The following NFAT5 variants were observed in gnomAD, a reference collection of about 807,000 sequenced individuals.
The protein encoded by NFAT5 is nuclear factor of activated T-cells 5.
NFAT5 carries 31 observed loss-of-function variants against 166.5 expected under a neutral mutation model. The observed-to-expected ratio is 0.19, with a 90% confidence interval of 0.14 to 0.25. The LOEUF is 0.25. NFAT5 is among the 10% of genes least tolerant of loss of function. The probability of loss-of-function intolerance (pLI) is 1.00; values close to 1 mark genes in which losing one functional copy is unlikely to be tolerated. For synonymous variants in NFAT5, 612 were observed against 639.7 expected, an observed-to-expected ratio of 0.96 and a Z score of 0.65; for missense variants, 1,449 against 1,821.8, an observed-to-expected ratio of 0.80 and a Z score of 3.72.
chr16:69,635,546 A>G (rs2034926424), intron 3 of NFAT5, among the ~76,000 whole-genome samples: 2 of 152,108 alleles, frequency 1.3e-5, no homozygotes, highest in South Asian at 4.2e-4. Flanking sequence ...CACTGCTGAT[A>G]AAGACATACC....
intron 3 of NFAT5, chr16:69,644,852 A>C: frequency 2.2e-6 from 1 of 455,002 alleles, no homozygotes; most frequent in Non-Finnish European, 4.4e-6. Flanking sequence ...TTAGATTTAA[A>C]AAGGGTGAGT....
intron 2 of NFAT5, among the ~76,000 whole-genome samples, chr16:69,603,533 C>T (rs1418928913): frequency 6.6e-6 from 1 of 152,098 alleles, no homozygotes; most frequent in African/African-American, 2.4e-5. Context: ...GGGCAGATCA[C>T]TTAAACTCAA....
At chr16:69,572,005 G>A (rs956050422) in intron 2 of NFAT5, among the ~76,000 whole-genome samples, 11 of 152,060 alleles carry the variant, frequency 7.2e-5, no homozygotes, top group Middle Eastern at 3.4e-3. Context: ...CTCGTGATCC[G>A]CCTGCGTCAG....
rs1597589490 is a variant in NFAT5, at chr16:69,703,534, C to T, written c.*7183C>T. The stretch of plus-strand genomic sequence containing the variant: ...CTCCATAATTGTTCTAATCTTCTTC[C>T]CACTGTTTACAAATTACCAGTTAAT... On this transcript the variant is annotated 3_prime_UTR_variant, in exon 15 of 15. Coordinates refer to ENST00000349945, the MANE Select transcript of NFAT5 (RefSeq NM_138713.4). 6.6e-6 allele frequency: 1 copy of T among 152,588 alleles called. No homozygotes were observed. The highest frequency in any genetic ancestry group is 2.1e-4 in the South Asian group (1 of 4,814). The allele number at this position is 152,588 out of a possible 1,614,324, so 9.5% of individuals were successfully genotyped here.
intron 10 of NFAT5, among the ~76,000 whole-genome samples, chr16:69,681,116 AGC>A (rs1212415619): frequency 1.1e-4 from 17 of 152,194 alleles, no homozygotes; most frequent in Admixed American, 1.1e-3. Flanking sequence ...GTGTCTTGGA[AGC>A]CATGAGAGAG....
chr16:69,668,677 T>A (rs542999885), intron 7 of NFAT5, among the ~76,000 whole-genome samples: 3 of 152,164 alleles, frequency 2.0e-5, no homozygotes, highest in African/African-American at 7.2e-5. Context: ...CTGAATTTAT[T>A]TTTATTTTTA....
At chr16:69,650,299 G>A (rs1306138103) in intron 4 of NFAT5, among the ~76,000 whole-genome samples, 1 of 151,882 alleles carries the variant, frequency 6.6e-6, no homozygotes, top group Non-Finnish European at 1.5e-5. Context: ...TTTTTCTTAA[G>A]CCATCATGCC....
In NFAT5 at chr16:69,693,721, C is replaced by T; in HGVS notation, c.3896C>T (p.Ser1299Phe). The T allele has an allele frequency of 6.2e-7, 1 of 1,614,228 alleles. No homozygotes were observed. The highest frequency in any genetic ancestry group is 8.5e-7 in the Non-Finnish European group (1 of 1,180,040). The change falls in exon 13 of 15, where the codon TCT (serine) becomes TTT (phenylalanine). Residue 1299 changes from serine to phenylalanine, a missense_variant. By Grantham distance (155) the Ser-to-Phe change is radical. Coordinates refer to ENST00000349945, the MANE Select transcript of NFAT5 (RefSeq NM_138713.4). ...CAGAATACCATGGCTACAATGGCGT[C>T]TCCAAAGCAACCACCACCAAACATG... ...SNQNTMATMA[S>F]PKQPPPNMIF...
Position 69,693,418 on chromosome 16 carries a change from C to T in NFAT5, c.3593C>T (p.Ala1198Val), listed in dbSNP as rs1179182679. 2 of 1,614,194 alleles carry T rather than the reference C, an allele frequency of 1.2e-6. No homozygotes were observed. Reference sequence around the variant, plus strand: ...TCAACATCAAACAGTGAACAACAAGCTGCTTTCCAACAGCAAGCTCCAATA... The same window carrying T: ...TCAACATCAAACAGTGAACAACAAGTTGCTTTCCAACAGCAAGCTCCAATA... ...LQSTSNSEQQ[A>V]AFQQQAPISH... The change falls in exon 13 of 15, where the codon GCT becomes GTT. Residue 1198 changes from alanine (A) to valine (V), a missense_variant. By Grantham distance (64) the Ala-to-Val change is moderately conservative. Transcript: ENST00000349945.
chr16:69,644,230 A>G (rs1262884353), intron 3 of NFAT5, among the ~76,000 whole-genome samples: 12 of 152,052 alleles, frequency 7.9e-5, no homozygotes. Context: ...GGCTGCAGTG[A>G]GCCATGATCG....
intron 11 of NFAT5, among the ~76,000 whole-genome samples, chr16:69,690,109 C>T (rs1312507228): frequency 6.6e-6 from 1 of 151,968 alleles, no homozygotes; most frequent in Admixed American, 6.6e-5. Context: ...AGTGCCACTG[C>T]GGACTCAAGT....
rs753602393 is a variant in NFAT5 at position 69,690,974 on chromosome 16, A to G, written c.1809A>G (p.Val603=). The G allele has an allele frequency of 8.8e-6, 14 of 1,599,870 alleles. No homozygotes were observed. The highest frequency in any genetic ancestry group is 1.2e-5 in the Non-Finnish European group (14 of 1,174,188). Residue 603 remains valine, a synonymous_variant, in exon 12 of 15, where the codon GTA becomes GTG. Coordinates refer to ENST00000349945, the MANE Select transcript of NFAT5 (RefSeq NM_138713.4). ...CTACTGGATGTAATTTAGATAAGGTAAATATTATCCCTAATGCCCTGATGA... is the reference window on the plus strand; with the variant it reads ...CTACTGGATGTAATTTAGATAAGGTGAATATTATCCCTAATGCCCTGATGA... ...MKTTGCNLDK[V]NIIPNALMTP...
At chr16:69,610,837 C>T (rs530818027) in intron 2 of NFAT5, among the ~76,000 whole-genome samples, 5 of 152,168 alleles carry the variant, frequency 3.3e-5, no homozygotes, top group African/African-American at 1.2e-4. Flanking sequence ...GCATGGCCCT[C>T]TATATATTTC....
At chr16:69,610,857 A>G (rs2033674607) in intron 2 of NFAT5, among the ~76,000 whole-genome samples, 1 of 152,018 alleles carries the variant, frequency 6.6e-6, no homozygotes, top group Non-Finnish European at 1.5e-5. Flanking sequence ...CTTCTCTCCT[A>G]CTACCTTTTT....
At chr16:69,580,173 T>A (rs1297985397) in intron 2 of NFAT5, among the ~76,000 whole-genome samples, 2 of 152,014 alleles carry the variant, frequency 1.3e-5, no homozygotes, top group African/African-American at 4.8e-5. Context: ...GTAATGTAAT[T>A]ACATATTAAA....
chr16:69,573,030 A>G (rs2016531466), intron 2 of NFAT5, among the ~76,000 whole-genome samples: 1 of 152,116 alleles, frequency 6.6e-6, no homozygotes, highest in African/African-American at 2.4e-5. Flanking sequence ...TTTAGTAGAG[A>G]CAGGGTTTCA....
chr16:69,659,883 T>G lies in NFAT5; in HGVS notation c.1353T>G (p.Ser451=). ...CCACTTTGACACTGCAAACACCCTC[T>G]TCTCCAATTTTGTGTAGTAAGTAAG... ...DGSTLTLQTP[S]SPILCTQPAG... Residue 451 remains serine, a synonymous_variant, in exon 7 of 15, where the codon TCT becomes TCG. Transcript: ENST00000349945. The G allele has an allele frequency of 6.2e-7, 1 of 1,606,772 alleles. No homozygotes were observed. The highest frequency in any genetic ancestry group is 1.1e-5 in the South Asian group (1 of 89,600).
intron 2 of NFAT5, among the ~76,000 whole-genome samples, chr16:69,584,036 C>G (rs187212973): frequency 6.6e-6 from 1 of 151,916 alleles, no homozygotes; most frequent in Admixed American, 6.6e-5. Context: ...ACCAGCCTGG[C>G]CAACATGATG....
chr16:69,628,458 G>T (rs1016809311), intron 3 of NFAT5, among the ~76,000 whole-genome samples: 1 of 152,046 alleles, frequency 6.6e-6, no homozygotes, highest in Admixed American at 6.6e-5. Context: ...TCATTAACAA[G>T]TCATTTAAAA....
Sources: allele counts gnomAD v4.1 joint callset (sites outside exome capture counted in the v4.1 genomes callset), GRCh38; gene constraint gnomAD v4.1.1; transcripts MANE v1.5; gene names NCBI Gene and HGNC (gene_info 2026-07-23, HGNC 2026-07-21).